Variants in LGALS13 observed in about 807,000 individuals in gnomAD.
The protein encoded by LGALS13 is galactoside-binding soluble lectin 13.
A neutral mutation model predicts 13.2 loss-of-function variants in LGALS13; 11 were observed. The observed-to-expected ratio is 0.83, with a 90% CI of 0.52 to 1.38. LGALS13 has a LOEUF of 1.38. LGALS13 is among the 40% of genes most tolerant of loss of function. LGALS13 has a pLI of 0.00. For missense variants in LGALS13, 183 were observed against 174.3 expected, an observed-to-expected ratio of 1.05 and a Z score of -0.28; for synonymous variants, 71 against 63.7, an observed-to-expected ratio of 1.11 and a Z score of -0.54.
Position 39,607,387 on chromosome 19 carries a change from G to C in LGALS13, c.*48G>C. On this transcript the variant is annotated 3_prime_UTR_variant, in exon 4 of 4. Transcript: ENST00000221797. ...TGTTGAGGAATCCCTCTTTCTACCT[G>C]ACCATGGGATTCCCAGAACCTGCTA... is the stretch of plus-strand genomic sequence containing the variant. 1 of 1,251,704 alleles carries C rather than the reference G, an allele frequency of 8.0e-7. No homozygotes were observed. Among genetic ancestry groups the C allele is most frequent in the Non-Finnish European group, 1.2e-6 (1 of 849,444 alleles). 77.5% of individuals were successfully genotyped at this position (1,251,704 alleles called of 1,614,324 possible). A position where few individuals can be genotyped will look rare whatever the true frequency, so the allele number is the denominator to read the frequency against.
chr19:39,605,168 T>G lies in LGALS13; in HGVS notation c.93-10T>G. The G allele has an allele frequency of 6.2e-7, 1 of 1,612,254 alleles. No individual in the cohort carries two copies. The highest frequency in any genetic ancestry group is 8.5e-7 in the Non-Finnish European group (1 of 1,178,316). ...GGACCTGCCCAACATTCTGCGTGCT[T>G]CACCCTCAGCAATGACCCACAGCTG... On this transcript the variant is annotated splice_polypyrimidine_tract_variant and intron_variant, in intron 2 of 3. Coordinates refer to ENST00000221797, the MANE Select transcript of LGALS13 (RefSeq NM_013268.3).
At chr19:39,605,531 C>A (rs1972675169) in intron 3 of LGALS13, 143 bp downstream of exon 3, 3 of 728,630 alleles carry the variant, frequency 4.1e-6, no homozygotes, top group Non-Finnish European at 7.3e-6. Flanking sequence ...CAGAGCACCC[C>A]CTGCTTGCAC....
intron 1 of LGALS13, among the ~76,000 whole-genome samples, chr19:39,604,337 T>A (rs928944075): frequency 8.0e-5 from 12 of 150,874 alleles, no homozygotes; most frequent in African/African-American, 2.9e-4. Context: ...TGAGGGAGAG[T>A]TCAAGTAGCA....
intron 1 of LGALS13, chr19:39,604,029 A>G (rs1325044088): frequency 1.0e-6 from 1 of 967,304 alleles, no homozygotes; most frequent in Non-Finnish European, 1.2e-6. Flanking sequence ...ATGCATGTGC[A>G]TCCCACACAC....
At chr19:39,604,506 C>T (rs1972650347) in intron 1 of LGALS13, 96 bp from the exon 2 acceptor site, 1 of 1,395,980 alleles carries the variant, frequency 7.2e-7, no homozygotes, top group Non-Finnish European at 1.0e-6. Context: ...AGAGTCTGCC[C>T]TTTCATCTCC....
At chr19:39,604,494 A>G (rs954743763) in intron 1 of LGALS13, 108 bp from the exon 2 acceptor site, 36 of 1,225,818 alleles carry the variant, frequency 2.9e-5, no homozygotes, top group Middle Eastern at 4.4e-4. Flanking sequence ...AGGAGAGTCC[A>G]CAGAGTCTGC....
At chr19:39,605,024 T>C in intron 2 of LGALS13, 154 bp from the exon 3 acceptor site, 1 of 731,000 alleles carries the variant, frequency 1.4e-6, no homozygotes, top group South Asian at 1.5e-5. Flanking sequence ...CCTGGGGGCA[T>C]GAGGAGCTGA....
intron 3 of LGALS13, 27 bp from the exon 4 acceptor site, chr19:39,607,196 C>G: frequency 6.4e-7 from 1 of 1,564,340 alleles, no homozygotes; most frequent in South Asian, 1.1e-5. Context: ...GGCATGCTTT[C>G]TTTCTGATGC....
chr19:39,602,754 G>T (rs1314827948), intron 1 of LGALS13, among the ~76,000 whole-genome samples, 171 bp downstream of exon 1: 1 of 152,216 alleles, frequency 6.6e-6, no homozygotes, highest in Non-Finnish European at 1.5e-5. Context: ...TGCTTGTGGG[G>T]ATTGCGGTGT....
chr19:39,604,810 G>C (rs1769584289), intron 2 of LGALS13, 132 bp downstream of exon 2: 1 of 1,104,496 alleles, frequency 9.1e-7, no homozygotes, highest in Admixed American at 1.8e-5. Context: ...GCAGGTCTTG[G>C]AGACCCTCCA....
intron 3 of LGALS13, among the ~76,000 whole-genome samples, chr19:39,607,004 A>G (rs1283721154): frequency 6.6e-6 from 1 of 152,216 alleles, no homozygotes; most frequent in Non-Finnish European, 1.5e-5. Context: ...AGAGTATAGA[A>G]CTTCGCTAGA....
intron 3 of LGALS13, among the ~76,000 whole-genome samples, chr19:39,606,953 AG>A (rs1206613529): frequency 6.6e-6 from 1 of 152,188 alleles, no homozygotes; most frequent in African/African-American, 2.4e-5. Flanking sequence ...GGGATCTTCC[AG>A]GTTAGAAGGG....
chr19:39,605,284 C>A lies in LGALS13; in HGVS notation c.199C>A (p.Arg67Ser). The change falls in exon 3 of 4, where the codon CGT becomes AGT. Residue 67 changes from arginine (R) to serine (S), a missense_variant. Physicochemically the swap from Arg to Ser is moderately radical, Grantham distance 110 (BLOSUM62 -1). Coordinates refer to ENST00000221797, the MANE Select transcript of LGALS13 (RefSeq NM_013268.3). ...TGGCAATCATGTGGTCATGAACAGG[C>A]GTGAGTTTGGGATATGGATGTTGGA... Reference protein sequence around the residue: ...HFGNHVVMNRREFGIWMLEET... With the variant: ...HFGNHVVMNRSEFGIWMLEET... 6.2e-7 allele frequency: 1 copy of A among 1,614,098 alleles called. No individual in the cohort carries two copies.
chr19:39,603,845 C>T lies in LGALS13; in HGVS notation c.16-757C>T, dbSNP rs879032479. 37 of 745,332 alleles carry T rather than the reference C, an allele frequency of 5.0e-5. No homozygotes were observed. In the South Asian group the frequency reaches 1.5e-3, roughly 31 times the overall value. 46.2% of individuals were successfully genotyped at this position (745,332 alleles called of 1,614,324 possible). A position where few individuals can be genotyped will look rare whatever the true frequency, so the allele number is the denominator to read the frequency against. ...TCAGCCTGGGTGACAGAGCAAGAAC[C>T]TATCTCAAAAGTACAGAAAAATCAT... On this transcript the variant is annotated intron_variant, in intron 1 of 3. Coordinates refer to ENST00000221797, the MANE Select transcript of LGALS13 (RefSeq NM_013268.3).
intron 1 of LGALS13, chr19:39,604,022 C>T: frequency 1.0e-6 from 1 of 976,296 alleles, no homozygotes; most frequent in Non-Finnish European, 1.2e-6. Flanking sequence ...GATAGTGATG[C>T]ATGTGCATCC....
chr19:39,606,001 C>T (rs1330216136), intron 3 of LGALS13, among the ~76,000 whole-genome samples: 1 of 152,172 alleles, frequency 6.6e-6, no homozygotes, highest in Non-Finnish European at 1.5e-5. Flanking sequence ...TGTGTGCCAG[C>T]ACACCTGGCT....
In LGALS13 at chr19:39,604,697, A is replaced by G. The variant is rs1402084739; in HGVS notation, c.92+19A>G. ...CTTTTATGTGAGTACTCCATGGTCC[A>G]ATGGAGGGGTTGGAGAAGAAGGGAG... On this transcript the variant is annotated intron_variant, in intron 2 of 3. Coordinates refer to ENST00000221797, the MANE Select transcript of LGALS13 (RefSeq NM_013268.3). 4 of 1,609,966 alleles carry G rather than the reference A, an allele frequency of 2.5e-6. No homozygotes were observed. The African/African-American group carries it at 4.0e-5, about 16-fold the overall frequency.
rs373126902 is a variant in LGALS13, at chr19:39,602,524, A to G, written c.-45A>G. On this transcript the variant is annotated 5_prime_UTR_variant, in exon 1 of 4. Coordinates refer to ENST00000221797, the MANE Select transcript of LGALS13 (RefSeq NM_013268.3). The stretch of plus-strand genomic sequence containing the variant: ...AATGCTGCAACTCAGAGATTCACTC[A>G]GAAGACTGGACTCAATTCTGAAGGT... 1.2e-5 allele frequency: 20 copies of G among 1,606,004 alleles called. No homozygotes were observed. The highest frequency in any genetic ancestry group is 1.4e-5 in the Non-Finnish European group (16 of 1,172,640).
chr19:39,605,057 C>T (rs1972662019), intron 2 of LGALS13, 121 bp from the exon 3 acceptor site: 2 of 841,436 alleles, frequency 2.4e-6, no homozygotes, highest in Admixed American at 2.0e-5. Flanking sequence ...GGGACCTGGC[C>T]ATCAGTATTA....
Sources: allele counts gnomAD v4.1 joint callset (sites outside exome capture counted in the v4.1 genomes callset), GRCh38; gene constraint gnomAD v4.1.1; transcripts MANE v1.5; gene names NCBI Gene and HGNC (gene_info 2026-07-23, HGNC 2026-07-21).